The following WIZ variants were observed in gnomAD, a reference collection of about 807,000 sequenced individuals.
The protein encoded by WIZ is protein Wiz.
WIZ carries 25 observed loss-of-function variants against 140.2 expected under a neutral mutation model. That is an observed-to-expected ratio of 0.18 (90% CI 0.13 to 0.25). The LOEUF (loss-of-function observed/expected upper bound fraction) is 0.25. Among genes scored for constraint, WIZ ranks in the 10% least tolerant of loss-of-function variants. WIZ has a pLI of 1.00. For missense variants in WIZ, 2,231 were observed against 2,632.6 expected (o/e 0.85, Z 3.34); for synonymous variants, 1,125 against 1,154.3 (o/e 0.97, Z 0.51).
At position 15,439,474 on chromosome 19, in the gene WIZ, G is replaced by A; in HGVS notation, c.1520C>T (p.Pro507Leu). The change falls in exon 4 of 13, where the codon CCA (proline) becomes CTA (leucine). Residue 507 changes from proline (P) to leucine (L), a missense_variant. By Grantham distance (98) the Pro-to-Leu change is moderately conservative. Transcript: ENST00000673675. This position sits in a 1 kb window ranked among gnomAD's most constrained non-coding sequence, Gnocchi z 7.0. ...GGCGTGAGCATCCTGGCTAGTGCCT[G>A]GCTGGCTGGCAGGGTCTTCCTCATA... ...EAYEEDPASQPGTSQDAHACF... is the reference protein window; with the variant it reads ...EAYEEDPASQLGTSQDAHACF... The A allele has an allele frequency of 6.5e-7, 1 of 1,534,844 alleles. No homozygotes were observed. Among genetic ancestry groups the A allele is most frequent in the Non-Finnish European group, 8.7e-7 (1 of 1,146,160 alleles).
At position 15,429,752 on chromosome 19, in the gene WIZ, G is replaced by A; in HGVS notation, c.3249C>T (p.Gly1083=). 6.7e-7 allele frequency: 1 copy of A among 1,497,378 alleles called. No homozygotes were observed. The highest frequency in any genetic ancestry group is 1.7e-4 in the Middle Eastern group (1 of 5,734). 92.8% of individuals were successfully genotyped at this position (1,497,378 alleles called of 1,614,324 possible). A position where few individuals can be genotyped will look rare whatever the true frequency, so the allele number is the denominator to read the frequency against. ...TGAGGAGTGGAGAGCTGGGCGGGTG[G>A]CCCAGGCCCTTGGCCGAGAAGCCGG... ...SPPGFSAKGL[G]HPPSSPLLKK... The change falls in exon 7 of 13, where the codon GGC becomes GGT. Residue 1083 remains glycine (G), a synonymous_variant. Coordinates refer to ENST00000673675, the MANE Select transcript of WIZ (RefSeq NM_001371589.1).
chr19:15,425,187 G>T, intron 10 of WIZ, 54 bp downstream of exon 10: 1 of 1,548,746 alleles, frequency 6.5e-7, no homozygotes. Flanking sequence ...GGCATTGCCT[G>T]GCCTGGCAGG....
rs1968576207 is a variant in WIZ at position 15,424,361 on chromosome 19, C to T, written c.5332G>A (p.Ala1778Thr). The change falls in exon 12 of 13, where the codon GCC becomes ACC. Residue 1778 changes from alanine (A) to threonine (T), a missense_variant. By Grantham distance (58) the Ala-to-Thr change is moderately conservative. Transcript: ENST00000673675. The surrounding 1 kb of genome is among the most constrained non-coding windows in gnomAD (Gnocchi z 9.7). ...QNINKFERRQ[A>T]RPPDASAARG... is the part of the protein sequence containing the mutation. ...GCTGCGGAGGCATCTGGAGGGCGGG[C>T]TTGTCGGCGTTCAAATTCTAAGGTG... The T allele has an allele frequency of 4.4e-6, 7 of 1,601,328 alleles. No homozygotes were observed. Among genetic ancestry groups the T allele is most frequent in the Non-Finnish European group, 5.9e-6 (7 of 1,176,532 alleles).
In WIZ at chr19:15,439,303, G is replaced by A; in HGVS notation, c.1691C>T (p.Ser564Leu). The part of the protein sequence containing the change: ...QQLSIRDFPL[S>L]KPLLHGTGQR... ...GCCCGTGCCATGCAGGAGTGGCTTT[G>A]ACAGCGGGAAATCTCTGATGCTCAG... The change falls in exon 4 of 13, where the codon TCA becomes TTA. Residue 564 changes from serine to leucine, a missense_variant. Around this residue, in one of 15 missense-constraint regions of WIZ, gnomAD observed 475 missense variants for 520.2 expected, o/e 0.91. Coordinates refer to ENST00000673675, the MANE Select transcript of WIZ (RefSeq NM_001371589.1). The surrounding 1 kb of genome is among the most constrained non-coding windows in gnomAD (Gnocchi z 7.0). The A allele has an allele frequency of 6.5e-7, 1 of 1,535,698 alleles. No homozygotes were observed. The highest frequency in any genetic ancestry group is 8.7e-7 in the Non-Finnish European group (1 of 1,146,698).
Position 15,440,455 on chromosome 19 carries a change from C to T in WIZ, c.539G>A (p.Gly180Asp), listed in dbSNP as rs1194403818. The change falls in exon 4 of 13, where the codon GGC becomes GAC. Residue 180 changes from glycine (G) to aspartate (D), a missense_variant. Gly to Asp is a moderately conservative substitution (Grantham distance 94). This residue lies in a region of WIZ where 307 missense variants were observed against 294.1 expected (regional missense o/e 1.04). Transcript: ENST00000673675. This position sits in a 1 kb window ranked among gnomAD's most constrained non-coding sequence, Gnocchi z 6.2. ...TTGGAGCCAGTCGAACCTGGGGCGGCCCTGGGCATGTTTCTCCAAAAGCCT... is the reference window on the plus strand; with the variant it reads ...TTGGAGCCAGTCGAACCTGGGGCGGTCCTGGGCATGTTTCTCCAAAAGCCT... ...EPRLLEKHAQ[G>D]RPRFDWLQDE... 6.5e-7 allele frequency: 1 copy of T among 1,536,118 alleles called. No homozygotes were observed. The highest frequency in any genetic ancestry group is 8.7e-7 in the Non-Finnish European group (1 of 1,146,892).
Position 15,439,418 on chromosome 19 carries a change from C to A in WIZ, c.1576G>T (p.Gly526Cys). 1 of 1,527,788 alleles carries A rather than the reference C, an allele frequency of 6.5e-7. No homozygotes were observed. 94.6% of individuals were successfully genotyped at this position (1,527,788 alleles called of 1,614,324 possible). A position where few individuals can be genotyped will look rare whatever the true frequency, so the allele number is the denominator to read the frequency against. Reference protein sequence around the residue: ...CFPDTAVDYFGKAEPSLAPMW... With the variant: ...CFPDTAVDYFCKAEPSLAPMW... ...GGGGCCAAGGACGGCTCAGCTTTGC[C>A]AAAGTAGTCCACAGCAGTGTCAGGG... Residue 526 changes from glycine (G) to cysteine (C), a missense_variant, in exon 4 of 13, where the codon GGC (glycine) becomes TGC (cysteine). Gly to Cys is a radical substitution (Grantham distance 159). Transcript: ENST00000673675. The surrounding 1 kb of genome is among the most constrained non-coding windows in gnomAD (Gnocchi z 7.0).
Position 15,427,506 on chromosome 19 carries a change from A to G in WIZ, c.3842T>C (p.Ile1281Thr). The change falls in exon 9 of 13, where the codon ATC (isoleucine) becomes ACC (threonine). Residue 1281 changes from isoleucine to threonine, a missense_variant. Coordinates refer to ENST00000673675, the MANE Select transcript of WIZ (RefSeq NM_001371589.1). The surrounding 1 kb of genome is among the most constrained non-coding windows in gnomAD (Gnocchi z 6.4). Reference protein sequence around the residue: ...LSSGPEPARDIRCEFCGEFFE... With the variant: ...LSSGPEPARDTRCEFCGEFFE... Reference sequence around the variant, plus strand: ...GAACTCACCACAGAACTCGCAGCGGATGTCTCGTGCTGGCTCTGGGCCTGA... The same window carrying G: ...GAACTCACCACAGAACTCGCAGCGGGTGTCTCGTGCTGGCTCTGGGCCTGA... 1 of 1,610,714 alleles carries G rather than the reference A, an allele frequency of 6.2e-7. No individual in the cohort carries two copies. Among genetic ancestry groups the G allele is most frequent in the Non-Finnish European group, 8.5e-7 (1 of 1,177,960 alleles).
At position 15,440,503 on chromosome 19, in the gene WIZ, A is replaced by G; in HGVS notation, c.491T>C (p.Phe164Ser). ...CCTTGGTTCCCCCCGGTGGTGTAAG[A>G]ACCTTCTAGAGCCCTCTAGCTCAGC... ...PHAELEGSRR[F>S]LHHRGEPRLL... Residue 164 changes from phenylalanine to serine, a missense_variant, in exon 4 of 13, where the codon TTC (phenylalanine) becomes TCC (serine). Physicochemically the swap from Phe to Ser is radical, Grantham distance 155. Around this residue, in one of 15 missense-constraint regions of WIZ, gnomAD observed 307 missense variants for 294.1 expected, o/e 1.04. Transcript: ENST00000673675. The surrounding 1 kb of genome is among the most constrained non-coding windows in gnomAD (Gnocchi z 6.2). The G allele has an allele frequency of 1.3e-6, 2 of 1,536,004 alleles. No individual in the cohort carries two copies. Among genetic ancestry groups the G allele is most frequent in the Non-Finnish European group, 1.7e-6 (2 of 1,146,872 alleles).
intron 5 of WIZ, among the ~76,000 whole-genome samples, chr19:15,432,728 G>A (rs1410147223): frequency 6.6e-6 from 1 of 151,170 alleles, no homozygotes; most frequent in African/African-American, 2.4e-5. Context: ...CACGCGGGGC[G>A]GCCGCCCCAG....
intron 5 of WIZ, among the ~76,000 whole-genome samples, chr19:15,434,255 CT>C (rs200592630): frequency 6.8e-5 from 8 of 118,454 alleles, no homozygotes; most frequent in Admixed American, 6.5e-4. Context: ...AGGACTCCAT[CT>C]TTAAAAAAAA....
At chr19:15,425,806 A>AGGAG (rs1568289952) in intron 9 of WIZ, 38 bp from the exon 10 acceptor site, 3 of 292,536 alleles carry the variant, frequency 1.0e-5, no homozygotes, top group Non-Finnish European at 9.0e-6. Flanking sequence ...GAGGAGGAGG[A>AGGAG]GGAGGAGGAG....
At chr19:15,437,527 G>A (rs1037764663) in intron 4 of WIZ, among the ~76,000 whole-genome samples, 1 of 152,204 alleles carries the variant, frequency 6.6e-6, no homozygotes, top group Non-Finnish European at 1.5e-5. Context: ...ATAGTGGTGC[G>A]TGCCTGTAGT....
At chr19:15,435,715 C>G (rs1220379128) in intron 5 of WIZ, among the ~76,000 whole-genome samples, 3 of 151,972 alleles carry the variant, frequency 2.0e-5, no homozygotes, top group Admixed American at 6.6e-5. Flanking sequence ...CGCCTGTAAT[C>G]CCAGCTACTC....
Position 15,428,089 on chromosome 19 carries a change from G to A in WIZ, c.3814+21C>T. The A allele has an allele frequency of 1.3e-6, 2 of 1,532,950 alleles. No individual in the cohort carries two copies. The highest frequency in any genetic ancestry group is 1.7e-6 in the Non-Finnish European group (2 of 1,146,340). The allele number at this position is 1,532,950 out of a possible 1,614,324, so 95.0% of individuals were successfully genotyped here. A position where few individuals can be genotyped will look rare whatever the true frequency, so the allele number is the denominator to read the frequency against. ...CTCCAGGGCCCGCAGTGAGGAGGGG[G>A]CAGCTGAAGCGAGAACCTACAGAGG... On this transcript the variant is annotated intron_variant, in intron 8 of 12. Coordinates refer to ENST00000673675, the MANE Select transcript of WIZ (RefSeq NM_001371589.1). This position sits in a 1 kb window ranked among gnomAD's most constrained non-coding sequence, Gnocchi z 6.4.
In WIZ at chr19:15,440,310, C is replaced by G. The variant is rs757877377; in HGVS notation, c.684G>C (p.Thr228=). 3 of 1,511,774 alleles carry G rather than the reference C, an allele frequency of 2.0e-6. No homozygotes were observed. In the South Asian group the frequency reaches 3.7e-5, roughly 19 times the overall value. 93.6% of individuals were successfully genotyped at this position (1,511,774 alleles called of 1,614,324 possible). The part of the protein sequence containing the change: ...VFVPVEDTPK[T]LDMAVVGGRE... ...TGCCACCCACCACCGCCATGTCCAG[C>G]GTCTTCGGGGTGTCTTCCACTGGCA... Residue 228 remains threonine, a synonymous_variant, in exon 4 of 13, where the codon ACG becomes ACC. Coordinates refer to ENST00000673675, the MANE Select transcript of WIZ (RefSeq NM_001371589.1). The surrounding 1 kb of genome is among the most constrained non-coding windows in gnomAD (Gnocchi z 6.2).
At chr19:15,435,178 A>G (rs572163663) in intron 5 of WIZ, among the ~76,000 whole-genome samples, 1 of 152,272 alleles carries the variant, frequency 6.6e-6, no homozygotes, top group South Asian at 2.1e-4. Flanking sequence ...AGATGGCACC[A>G]CTGCACTCCA....
Position 15,440,268 on chromosome 19 carries a change from G to A in WIZ, c.726C>T (p.Asp242=). ...AVVGGREDLE[D]LEGLAQPSEW... ...CGGACGGCTGGGCCAGCCCCTCCAGGTCCTCCAGATCTTCTCTGCCACCCA... is the reference window on the plus strand; with the variant it reads ...CGGACGGCTGGGCCAGCCCCTCCAGATCCTCCAGATCTTCTCTGCCACCCA... Residue 242 remains aspartate (D), a synonymous_variant, in exon 4 of 13, where the codon GAC becomes GAT. Coordinates refer to ENST00000673675, the MANE Select transcript of WIZ (RefSeq NM_001371589.1). The surrounding 1 kb of genome is among the most constrained non-coding windows in gnomAD (Gnocchi z 6.2). 3 of 1,490,906 alleles carry A rather than the reference G, an allele frequency of 2.0e-6. No homozygotes were observed. The highest frequency in any genetic ancestry group is 2.5e-5 in the East Asian group (1 of 40,564). The allele number at this position is 1,490,906 out of a possible 1,614,324, so 92.4% of individuals were successfully genotyped here. A position where few individuals can be genotyped will look rare whatever the true frequency, so the allele number is the denominator to read the frequency against.
Position 15,440,034 on chromosome 19 carries a change from G to A in WIZ, c.960C>T (p.Cys320=). The A allele has an allele frequency of 1.3e-6, 2 of 1,535,852 alleles. No homozygotes were observed. Among genetic ancestry groups the A allele is most frequent in the Non-Finnish European group, 1.7e-6 (2 of 1,146,836 alleles). ...EEPAVFPCIE[C]SIYFKQKEHL... ...GCTCCTTCTGCTTGAAGTAGATGCT[G>A]CACTCGATGCATGGGAACACGGCCG... is the stretch of plus-strand genomic sequence containing the variant. Residue 320 remains cysteine (C), a synonymous_variant, in exon 4 of 13, where the codon TGC becomes TGT. Transcript: ENST00000673675. This position sits in a 1 kb window ranked among gnomAD's most constrained non-coding sequence, Gnocchi z 6.2.
rs554791862 is a variant in WIZ at position 15,442,796 on chromosome 19, G to A, written c.206-48C>T. The A allele has an allele frequency of 3.2e-4, 374 of 1,174,452 alleles. 2 individuals are homozygous for A. In the South Asian group the frequency reaches 6.4e-3, roughly 20 times the overall value. The allele number at this position is 1,174,452 out of a possible 1,614,324, so 72.8% of individuals were successfully genotyped here. A position where few individuals can be genotyped will look rare whatever the true frequency, so the allele number is the denominator to read the frequency against. ...TGAGGGGCTGGGGTCCCCCTGGCCG[G>A]GGCCCTCCACACCCCAGCTCCAGGA... On this transcript the variant is annotated intron_variant, in intron 2 of 12. Transcript: ENST00000673675. The surrounding 1 kb of genome is among the most constrained non-coding windows in gnomAD (Gnocchi z 5.5).
Sources: allele counts gnomAD v4.1 joint callset (sites outside exome capture counted in the v4.1 genomes callset), GRCh38; gene constraint gnomAD v4.1.1; regional missense constraint gnomAD v4.1.1; non-coding constraint Gnocchi (gnomAD v3.1); transcripts MANE v1.5; gene names NCBI Gene and HGNC (gene_info 2026-07-23, HGNC 2026-07-21).